EXOC7: variants seen among roughly 807,000 people sequenced by gnomAD.
EXOC7 encodes exocyst complex component 7, also known as exocyst complex component Exo70.
A neutral mutation model predicts 87.6 loss-of-function variants in EXOC7; 51 were observed. That is an observed-to-expected ratio of 0.58 (90% CI 0.46 to 0.73). EXOC7 has a LOEUF of 0.73. Ranked by LOEUF, EXOC7 falls within the 30% of genes least tolerant of loss-of-function variation. EXOC7 has a pLI of 0.00. For missense variants in EXOC7, 744 were observed against 888.4 expected (o/e 0.84, Z 2.07); for synonymous variants, 327 against 357.1 (o/e 0.92, Z 0.95).
rs374065198 is a variant in EXOC7 at position 76,096,262 on chromosome 17, C to A, written c.640+1534G>T. Among the ~76,000 whole-genome samples the A allele has an allele frequency of 2.0e-4, 31 of 152,164 alleles. No individual in the cohort carries two copies. In the South Asian group the frequency reaches 5.8e-3, roughly 29 times the overall value. ...GGCGAGGTGGCTCATGCCTGCAATC[C>A]CAGAACTTACAGAGGCCGAGGCAGG... is the stretch of plus-strand genomic sequence containing the variant. On this transcript the variant is annotated intron_variant, in intron 5 of 18. Coordinates refer to ENST00000589210, the MANE Select transcript of EXOC7 (RefSeq NM_001013839.4).
At chr17:76,088,332 G>A (rs1021801742) in intron 10 of EXOC7, 132 bp downstream of exon 10, 2 of 1,007,282 alleles carry the variant, frequency 2.0e-6, no homozygotes, top group East Asian at 2.6e-5. Context: ...CATGGGTGCT[G>A]ACAGGCCAGT....
At chr17:76,085,499 C>A in intron 14 of EXOC7, 90 bp from the exon 15 acceptor site, 1 of 1,499,734 alleles carries the variant, frequency 6.7e-7, no homozygotes, top group Non-Finnish European at 9.1e-7. Context: ...CCTCCCATTG[C>A]ACCCCAAACT....
intron 6 of EXOC7, among the ~76,000 whole-genome samples, chr17:76,092,134 C>T (rs2144647023): frequency 6.6e-6 from 1 of 152,188 alleles, no homozygotes; most frequent in East Asian, 1.9e-4. Context: ...GGCAGAAAGG[C>T]ACCCGGGATG....
intron 12 of EXOC7, 58 bp downstream of exon 12, chr17:76,087,596 C>T: frequency 6.6e-7 from 1 of 1,512,052 alleles, no homozygotes; most frequent in Non-Finnish European, 9.0e-7. Context: ...CCTCTAACCC[C>T]ATGTCTCCAG....
At chr17:76,089,520 C>T in intron 7 of EXOC7, 200 bp from the exon 8 acceptor site, 3 of 626,050 alleles carry the variant, frequency 4.8e-6, no homozygotes, top group Non-Finnish European at 8.3e-6. Context: ...CTGAGCCCAG[C>T]CTTTGTTCTG....
In EXOC7 at chr17:76,081,319, G is replaced by T; in HGVS notation, c.*2329C>A. 6.2e-7 allele frequency: 1 copy of T among 1,614,164 alleles called. No homozygotes were observed. Among genetic ancestry groups the T allele is most frequent in the South Asian group, 1.1e-5 (1 of 91,084 alleles). ...CCAGGCCCACGTGGTGAACGAGATT[G>T]TGAGTGTCAAGAGGGAATACGTAGT... On this transcript the variant is annotated 3_prime_UTR_variant, in exon 19 of 19. Transcript: ENST00000589210.
chr17:76,084,167 G>A (rs955728580), intron 17 of EXOC7, 28 bp from the exon 18 acceptor site: 2 of 1,593,518 alleles, frequency 1.3e-6, no homozygotes, highest in African/African-American at 2.7e-5. Context: ...GAAAAAGGAA[G>A]GCACCCAGAG....
chr17:76,088,935 G>A lies in EXOC7; in HGVS notation c.1048-12C>T, dbSNP rs1168873717. 2 of 1,610,628 alleles carry A rather than the reference G, an allele frequency of 1.2e-6. No individual in the cohort carries two copies. Among genetic ancestry groups the A allele is most frequent in the Non-Finnish European group, 8.5e-7 (1 of 1,179,652 alleles). On this transcript the variant is annotated splice_polypyrimidine_tract_variant and intron_variant, in intron 8 of 18. Coordinates refer to ENST00000589210, the MANE Select transcript of EXOC7 (RefSeq NM_001013839.4). ...CCATCCAGGGCATCCTGAGGGGGCAGGGAGACAGTTCAGGGAAGGGTGGGG... is the reference window on the plus strand; with the variant it reads ...CCATCCAGGGCATCCTGAGGGGGCAAGGAGACAGTTCAGGGAAGGGTGGGG...
At chr17:76,099,141 T>C (rs1260095420) in intron 4 of EXOC7, among the ~76,000 whole-genome samples, 2 of 152,206 alleles carry the variant, frequency 1.3e-5, no homozygotes, top group Non-Finnish European at 2.9e-5. Flanking sequence ...AGAGGGTTTA[T>C]AGCAGCATTA....
chr17:76,083,652 G>C lies in EXOC7; in HGVS notation c.2051C>G (p.Ala684Gly). The C allele has an allele frequency of 6.2e-7, 1 of 1,613,750 alleles. No homozygotes were observed. The highest frequency in any genetic ancestry group is 8.5e-7 in the Non-Finnish European group (1 of 1,179,870). The change falls in exon 19 of 19, where the codon GCC (alanine) becomes GGC (glycine). Residue 684 changes from alanine to glycine, a missense_variant. Physicochemically the swap from Ala to Gly is moderately conservative, Grantham distance 60 (BLOSUM62 0). This residue lies in a region of EXOC7 where 228 missense variants were observed against 298.6 expected (regional missense o/e 0.76). Transcript: ENST00000589210. The stretch of plus-strand genomic sequence containing the variant: ...CAGGCAGGGCTAGCAGCAGGCTCAG[G>C]CAGAGGTGTCGAAAAGGCGATCGAT... ...DMIDRLFDTS[A>G]
At chr17:76,084,728 C>T in intron 15 of EXOC7, 148 bp from the exon 16 acceptor site, 3 of 650,466 alleles carry the variant, frequency 4.6e-6, no homozygotes, top group Non-Finnish European at 8.1e-6. Flanking sequence ...GGTTTTCTTC[C>T]TGGGAAGAGA....
chr17:76,091,051 C>T (rs2067454902), intron 7 of EXOC7, 92 bp downstream of exon 7: 2 of 1,146,354 alleles, frequency 1.7e-6, no homozygotes, highest in Admixed American at 1.7e-5. Flanking sequence ...CAGGGTTTCT[C>T]CCGAGGCCCT....
intron 18 of EXOC7, 37 bp from the exon 19 acceptor site, chr17:76,083,787 G>T: frequency 6.3e-7 from 1 of 1,583,146 alleles, no homozygotes; most frequent in South Asian, 1.1e-5. Flanking sequence ...AGGGAGGGCC[G>T]ACCCCTCCCC....
At chr17:76,094,361 C>T in intron 6 of EXOC7, 53 bp downstream of exon 6, 4 of 1,566,556 alleles carry the variant, frequency 2.6e-6, no homozygotes, top group Non-Finnish European at 3.5e-6. Context: ...TAAAGCAGTA[C>T]AGTCCCAGTC....
intron 13 of EXOC7, 110 bp from the exon 14 acceptor site, chr17:76,085,907 A>G: frequency 6.5e-7 from 1 of 1,531,762 alleles, no homozygotes; most frequent in Non-Finnish European, 8.8e-7. Flanking sequence ...CTGCCTCAGG[A>G]GGCCTTAGCC....
At position 76,081,864 on chromosome 17, in the gene EXOC7, G is replaced by A; in HGVS notation, c.*1784C>T. 1 of 1,608,574 alleles carries A rather than the reference G, an allele frequency of 6.2e-7. No individual in the cohort carries two copies. The highest frequency in any genetic ancestry group is 8.5e-7 in the Non-Finnish European group (1 of 1,176,228). On this transcript the variant is annotated 3_prime_UTR_variant, in exon 19 of 19. Coordinates refer to ENST00000589210, the MANE Select transcript of EXOC7 (RefSeq NM_001013839.4). ...GGGACTGGCCCCTGAGCATCTCCCT[G>A]TGCCCTGCCTCCCCCAGTTTACTAC...
At chr17:76,102,394 G>A (rs1223354001) in intron 2 of EXOC7, among the ~76,000 whole-genome samples, 1 of 147,962 alleles carries the variant, frequency 6.8e-6, no homozygotes, top group Non-Finnish European at 1.5e-5. Context: ...GGACAACACA[G>A]TGAGACCCTG....
rs950256910 is a variant in EXOC7, at chr17:76,091,327, C to T, written c.809-92G>A. On this transcript the variant is annotated intron_variant, in intron 6 of 18. Coordinates refer to ENST00000589210, the MANE Select transcript of EXOC7 (RefSeq NM_001013839.4). ...GGCCCTCCACCTGCCCCCCAGGCCCCGCACCCAGCTCCCCAACAGTGAGCA... is the reference window on the plus strand; with the variant it reads ...GGCCCTCCACCTGCCCCCCAGGCCCTGCACCCAGCTCCCCAACAGTGAGCA... 32 of 1,007,718 alleles carry T rather than the reference C, an allele frequency of 3.2e-5. No individual in the cohort carries two copies. The South Asian group carries it at 3.2e-4, about 10-fold the overall frequency. 62.4% of individuals were successfully genotyped at this position (1,007,718 alleles called of 1,614,324 possible).
At chr17:76,085,893 C>T (rs938872129) in intron 13 of EXOC7, 96 bp from the exon 14 acceptor site, 47 of 1,541,580 alleles carry the variant, frequency 3.0e-5, no homozygotes, top group Non-Finnish European at 4.0e-5. Flanking sequence ...CATCGCTCCT[C>T]GTCCTGCCTC....
Sources: gnomAD v4.1 joint callset for allele counts (sites outside exome capture counted in the v4.1 genomes callset) on GRCh38, gnomAD v4.1.1 for gene constraint, gnomAD v4.1.1 regional missense constraint, MANE v1.5 for transcripts, NCBI Gene and HGNC (gene_info 2026-07-23, HGNC 2026-07-21) for gene names.